Variants in PARD3 observed in about 807,000 individuals in gnomAD.
PARD3 encodes the protein partitioning defective 3 homolog.
Under a neutral mutation model 155.4 loss-of-function variants are expected in PARD3, and 75 were observed. The ratio of observed to expected loss-of-function variants is 0.48; its 90% CI spans 0.40 to 0.58. The LOEUF is 0.58. Among genes scored for constraint, PARD3 ranks in the 20% least tolerant of loss-of-function variants. PARD3 has a pLI of 0.00. For missense variants in PARD3, 1,642 were observed against 1,721.7 expected (o/e 0.95, Z 0.82); for synonymous variants, 576 against 610.5 (o/e 0.94, Z 0.83).
rs114193498 is a variant in PARD3 at position 34,617,447 on chromosome 10, T to C, written c.222+78871A>G. Among the ~76,000 whole-genome samples, 1,502 of 152,206 alleles carry C rather than the reference T, an allele frequency of 9.9e-3. 24 individuals carry two copies. Among genetic ancestry groups the C allele is most frequent in the African/African-American group, 0.035 (1,441 of 41,518 alleles). ...AGGGTGAAAACAAATACTAATGTATTGTGTATTTTCAAATGGCTGGAAGAG... is the reference window on the plus strand; with the variant it reads ...AGGGTGAAAACAAATACTAATGTATCGTGTATTTTCAAATGGCTGGAAGAG... On this transcript the variant is annotated intron_variant, in intron 2 of 24. Coordinates refer to ENST00000374788, the MANE Select transcript of PARD3 (RefSeq NM_001184785.2).
At chr10:34,186,207 C>G (rs527524320) in intron 22 of PARD3, among the ~76,000 whole-genome samples, 1 of 151,950 alleles carries the variant, frequency 6.6e-6, no homozygotes, top group Non-Finnish European at 1.5e-5. Context: ...CAAAACCCAG[C>G]CCTAAAGCCG....
intron 2 of PARD3, among the ~76,000 whole-genome samples, chr10:34,681,150 T>C (rs1564499239): frequency 6.6e-6 from 1 of 151,982 alleles, no homozygotes; most frequent in Non-Finnish European, 1.5e-5. Flanking sequence ...AGAAATAGAG[T>C]AAGCTTTTGA....
At chr10:34,344,156 A>G in intron 15 of PARD3, 2 of 983,866 alleles carry the variant, frequency 2.0e-6, no homozygotes, top group Non-Finnish European at 2.4e-6. Context: ...AAAGTTGAGA[A>G]ATAGTTAAAG....
intron 1 of PARD3, among the ~76,000 whole-genome samples, chr10:34,742,682 G>A (rs1229399811): frequency 6.6e-6 from 1 of 152,176 alleles, no homozygotes; most frequent in Non-Finnish European, 1.5e-5. Context: ...ACTGCGTGGA[G>A]GCTTTTTAAT....
chr10:34,741,328 C>T (rs1434622026), intron 1 of PARD3, among the ~76,000 whole-genome samples: 3 of 151,714 alleles, frequency 2.0e-5, no homozygotes, highest in Non-Finnish European at 4.4e-5. Flanking sequence ...GGACTACGGG[C>T]ATGCACCACC....
At chr10:34,140,810 G>A (rs1160558920) in intron 22 of PARD3, among the ~76,000 whole-genome samples, 1 of 152,086 alleles carries the variant, frequency 6.6e-6, no homozygotes, top group African/African-American at 2.4e-5. Context: ...TTCTCTTCTG[G>A]TTGTGAAGTA....
At position 34,269,751 on chromosome 10, in the gene PARD3, C is replaced by T. The variant is rs766274213; in HGVS notation, c.3325G>A (p.Ala1109Thr). 6 of 1,613,910 alleles carry T rather than the reference C, an allele frequency of 3.7e-6. No homozygotes were observed. The highest frequency in any genetic ancestry group is 2.2e-5 in the East Asian group (1 of 44,862). Reference sequence around the variant, plus strand: ...CCTTCTCGTGGGCTCTGAGGTCTAGCGTTGAGAGCCATGGAACCTTCATAA... The same window carrying T: ...CCTTCTCGTGGGCTCTGAGGTCTAGTGTTGAGAGCCATGGAACCTTCATAA... The part of the protein sequence containing the change: ...SSYEGSMALN[A>T]RPQSPREGHM... The change falls in exon 22 of 25, where the codon GCT becomes ACT. Residue 1109 changes from alanine to threonine, a missense_variant. Ala to Thr is a moderately conservative substitution (Grantham distance 58). Coordinates refer to ENST00000374788, the MANE Select transcript of PARD3 (RefSeq NM_001184785.2).
chr10:34,425,140 T>A (rs2075530378), intron 5 of PARD3, among the ~76,000 whole-genome samples: 1 of 152,130 alleles, frequency 6.6e-6, no homozygotes. Context: ...TCTACTGGAA[T>A]AGCCTGCATT....
chr10:34,406,580 CG>C (rs761789183), intron 5 of PARD3, among the ~76,000 whole-genome samples: 1 of 151,876 alleles, frequency 6.6e-6, no homozygotes, highest in Non-Finnish European at 1.5e-5. Context: ...TTTTTTGACA[CG>C]GGGTCTTGCT....
At chr10:34,237,461 ATTTT>A (rs888892961) in intron 22 of PARD3, among the ~76,000 whole-genome samples, 1 of 152,138 alleles carries the variant, frequency 6.6e-6, no homozygotes, top group African/African-American at 2.4e-5. Flanking sequence ...CTGTATATAT[ATTTT>A]TTAACAACCA....
intron 17 of PARD3, among the ~76,000 whole-genome samples, chr10:34,336,801 C>A (rs1439912020): frequency 1.3e-5 from 2 of 151,976 alleles, no homozygotes; most frequent in East Asian, 3.9e-4. Context: ...AATATGAAAG[C>A]TTCCAATAAA....
At chr10:34,512,363 G>A (rs1422077883) in intron 3 of PARD3, among the ~76,000 whole-genome samples, 2 of 152,024 alleles carry the variant, frequency 1.3e-5, no homozygotes, top group African/African-American at 4.8e-5. Context: ...TGCATGTATT[G>A]CTGTTGCTAT....
At chr10:34,783,815 T>G (rs1840591725) in intron 1 of PARD3, among the ~76,000 whole-genome samples, 1 of 152,098 alleles carries the variant, frequency 6.6e-6, no homozygotes, top group Non-Finnish European at 1.5e-5. Context: ...AGTGCATTTT[T>G]TTTTCTAACT....
At chr10:34,281,817 G>C (rs181420644) in intron 21 of PARD3, among the ~76,000 whole-genome samples, 8 of 152,172 alleles carry the variant, frequency 5.3e-5, no homozygotes, top group Non-Finnish European at 1.2e-4. Context: ...TAACTCATGG[G>C]GGAATGTTGG....
chr10:34,680,873 T>C (rs1342805121), intron 2 of PARD3, among the ~76,000 whole-genome samples: 3 of 148,446 alleles, frequency 2.0e-5, no homozygotes, highest in African/African-American at 7.4e-5. Context: ...TTGGGAGATA[T>C]ACCTAATGCT....
intron 15 of PARD3, chr10:34,346,472 G>A: frequency 7.4e-7 from 1 of 1,347,236 alleles, no homozygotes; most frequent in Non-Finnish European, 9.9e-7. Flanking sequence ...GGAAATTACA[G>A]CATATCACTT....
intron 1 of PARD3, among the ~76,000 whole-genome samples, chr10:34,806,516 G>C (rs1463990905): frequency 6.6e-6 from 1 of 151,752 alleles, no homozygotes; most frequent in Non-Finnish European, 1.5e-5. Context: ...TTTAAAAAGA[G>C]ACGGGGTCTC....
intron 1 of PARD3, among the ~76,000 whole-genome samples, chr10:34,788,113 G>T (rs1290234281): frequency 6.6e-6 from 1 of 152,008 alleles, no homozygotes; most frequent in African/African-American, 2.4e-5. Flanking sequence ...GCACAAATGG[G>T]ACAGGCTCAT....
chr10:34,257,261 C>T (rs1954702351), intron 22 of PARD3, among the ~76,000 whole-genome samples: 1 of 152,188 alleles, frequency 6.6e-6, no homozygotes, highest in Admixed American at 6.5e-5. Context: ...CATAAATCCT[C>T]ATGAATTTTT....
Sources: gnomAD v4.1 joint callset for allele counts (sites outside exome capture counted in the v4.1 genomes callset) on GRCh38, gnomAD v4.1.1 for gene constraint, MANE v1.5 for transcripts, NCBI Gene and HGNC (gene_info 2026-07-23, HGNC 2026-07-21) for gene names.